The following UNC5C variants were observed in gnomAD, a reference collection of about 807,000 sequenced individuals.
UNC5C encodes unc-5 netrin receptor C, also known as netrin receptor UNC5C.
In UNC5C, 47 loss-of-function variants were observed where a neutral mutation model predicts 99.8. The ratio of observed to expected loss-of-function variants is 0.47; its 90% CI spans 0.37 to 0.60. The LOEUF (loss-of-function observed/expected upper bound fraction) is 0.60, where lower values mean the gene tolerates loss of function less well. UNC5C is among the 20% of genes least tolerant of loss of function. The probability of loss-of-function intolerance (pLI) is 0.00; values close to 1 mark genes in which losing one functional copy is unlikely to be tolerated. For missense variants in UNC5C, 1,062 were observed against 1,165.9 expected, an observed-to-expected ratio of 0.91 and a Z score of 1.30; for synonymous variants, 487 against 452.2, an observed-to-expected ratio of 1.08 and a Z score of -0.98.
intron 1 of UNC5C, among the ~76,000 whole-genome samples, chr4:95,512,356 G>A (rs1722099401): frequency 6.6e-6 from 1 of 152,148 alleles, no homozygotes. Context: ...AGATCATCGG[G>A]ATTTTTACAA....
intron 1 of UNC5C, among the ~76,000 whole-genome samples, chr4:95,543,577 G>C (rs1440976425): frequency 1.3e-5 from 2 of 152,078 alleles, no homozygotes; most frequent in Non-Finnish European, 2.9e-5. Context: ...ATGTTCTTTA[G>C]AGTATATACT....
chr4:95,358,808 G>T (rs1744294268), intron 1 of UNC5C, among the ~76,000 whole-genome samples: 1 of 152,156 alleles, frequency 6.6e-6, no homozygotes, highest in Admixed American at 6.5e-5. Context: ...GAAGTTGAAA[G>T]AAGTGAGCTA....
intron 1 of UNC5C, among the ~76,000 whole-genome samples, chr4:95,410,118 T>C (rs1210647101): frequency 6.6e-6 from 1 of 152,196 alleles, no homozygotes; most frequent in Non-Finnish European, 1.5e-5. Context: ...CTATGTATTA[T>C]ATAATACTTG....
intron 1 of UNC5C, among the ~76,000 whole-genome samples, chr4:95,484,711 A>C (rs1338437827): frequency 6.6e-6 from 1 of 151,868 alleles, no homozygotes; most frequent in Non-Finnish European, 1.5e-5. Flanking sequence ...GTGTTAAGCC[A>C]CTGAGGTTTG....
chr4:95,431,059 CTTT>C (rs1369444626), intron 1 of UNC5C, among the ~76,000 whole-genome samples: 1 of 152,072 alleles, frequency 6.6e-6, no homozygotes, highest in Non-Finnish European at 1.5e-5. Context: ...GCCCCTATGT[CTTT>C]TTACTCAAGT....
intron 15 of UNC5C, among the ~76,000 whole-genome samples, chr4:95,169,689 A>C (rs1038289513): frequency 6.6e-6 from 1 of 152,216 alleles, no homozygotes; most frequent in African/African-American, 2.4e-5. Flanking sequence ...TTTCTAGTCC[A>C]GGCTTGGATG....
At chr4:95,305,462 G>A (rs901866753) in intron 2 of UNC5C, among the ~76,000 whole-genome samples, 8 of 152,102 alleles carry the variant, frequency 5.3e-5, no homozygotes, top group African/African-American at 1.9e-4. Flanking sequence ...AAACTACCTT[G>A]AATTTGAAAT....
intron 1 of UNC5C, among the ~76,000 whole-genome samples, chr4:95,339,905 C>T (rs1743498559): frequency 6.6e-6 from 1 of 152,064 alleles, no homozygotes; most frequent in African/African-American, 2.4e-5. Flanking sequence ...AGATGTAACG[C>T]TATTATTCAT....
At chr4:95,201,139 TAA>T (rs1737638269) in intron 12 of UNC5C, among the ~76,000 whole-genome samples, 1 of 152,132 alleles carries the variant, frequency 6.6e-6, no homozygotes, top group South Asian at 2.1e-4. Context: ...CTGTGAGAAA[TAA>T]GTTTGTTGTT....
intron 7 of UNC5C, among the ~76,000 whole-genome samples, chr4:95,235,307 T>G (rs1158184877): frequency 6.6e-6 from 1 of 152,208 alleles, no homozygotes; most frequent in Non-Finnish European, 1.5e-5. Flanking sequence ...AAATAATGTA[T>G]AGAATAGAAA....
intron 2 of UNC5C, among the ~76,000 whole-genome samples, chr4:95,326,691 ATCAGTATATTT>A (rs2149415851): frequency 6.6e-6 from 1 of 152,300 alleles, no homozygotes; most frequent in African/African-American, 2.4e-5. Context: ...ATGATCTTCA[ATCAGTATATTT>A]TGTTATGATC....
chr4:95,514,126 G>A (rs377207043), intron 1 of UNC5C, among the ~76,000 whole-genome samples: 31 of 151,840 alleles, frequency 2.0e-4, no homozygotes, highest in African/African-American at 6.0e-4. Flanking sequence ...TTTTTCCATC[G>A]TCTCATTCCA....
Position 95,168,853 on chromosome 4 carries a change from C to A in UNC5C, c.*381G>T. ...CATGGACAGTGTCTGCATCCCTGTC[C>A]AATTTGATGTAAACAACATTTGTAG... On this transcript the variant is annotated 3_prime_UTR_variant, in exon 16 of 16. Transcript: ENST00000453304. 5.8e-6 allele frequency: 1 copy of A among 171,014 alleles called. No individual in the cohort carries two copies. The highest frequency in any genetic ancestry group is 1.3e-5 in the Non-Finnish European group (1 of 79,162). The allele number at this position is 171,014 out of a possible 1,614,324, so 10.6% of individuals were successfully genotyped here.
chr4:95,247,950 A>C (rs1435374284), intron 5 of UNC5C: 1 of 152,404 alleles, frequency 6.6e-6, no homozygotes, highest in Non-Finnish European at 1.5e-5. Flanking sequence ...AAGAGATAAG[A>C]AGAAGAAAAC....
intron 1 of UNC5C, among the ~76,000 whole-genome samples, chr4:95,355,561 C>T (rs2626072): frequency 0.15 from 23,280 of 151,960 alleles, 2,025 homozygotes; most frequent in Admixed American, 0.2. Context: ...ATCATTGCAC[C>T]GTTGTGCCTA....
intron 5 of UNC5C, among the ~76,000 whole-genome samples, chr4:95,246,770 G>A (rs1328817868): frequency 6.6e-6 from 1 of 151,680 alleles, no homozygotes; most frequent in Non-Finnish European, 1.5e-5. Context: ...TAAAGTACTG[G>A]TAGTATATGC....
intron 1 of UNC5C, among the ~76,000 whole-genome samples, chr4:95,458,253 T>C (rs1189847553): frequency 6.6e-6 from 1 of 152,044 alleles, no homozygotes; most frequent in Admixed American, 6.6e-5. Context: ...TAGTATGATA[T>C]TTTTACTTCT....
At chr4:95,366,278 ATG>A (rs1744567125) in intron 1 of UNC5C, among the ~76,000 whole-genome samples, 1 of 152,226 alleles carries the variant, frequency 6.6e-6, no homozygotes, top group South Asian at 2.1e-4. Context: ...AGCCTGGGCA[ATG>A]TAGTGAGACC....
intron 1 of UNC5C, among the ~76,000 whole-genome samples, chr4:95,471,934 T>G (rs1747982678): frequency 6.6e-6 from 1 of 152,102 alleles, no homozygotes; most frequent in African/African-American, 2.4e-5. Context: ...CTCAAGTGTC[T>G]CTGTTAAGTC....
Sources: gnomAD v4.1 joint callset for allele counts (sites outside exome capture counted in the v4.1 genomes callset) on GRCh38, gnomAD v4.1.1 for gene constraint, MANE v1.5 for transcripts, NCBI Gene and HGNC (gene_info 2026-07-23, HGNC 2026-07-21) for gene names.